The following ITFG1 variants were observed in gnomAD, a reference collection of about 807,000 sequenced individuals.
ITFG1 encodes the protein integrin alpha FG-GAP repeat containing 1, also known as T-cell immunomodulatory protein.
In ITFG1, 34 loss-of-function variants were observed where a neutral mutation model predicts 81.8. The observed-to-expected ratio is 0.42, with a 90% confidence interval of 0.32 to 0.55. The LOEUF is 0.55. Among genes scored for constraint, ITFG1 ranks in the 20% least tolerant of loss-of-function variants. The pLI is 0.17. For missense variants in ITFG1, 672 were observed against 755.4 expected, an observed-to-expected ratio of 0.89 and a Z score of 1.29; for synonymous variants, 285 against 270.6, an observed-to-expected ratio of 1.05 and a Z score of -0.52.
intron 5 of ITFG1, among the ~76,000 whole-genome samples, chr16:47,434,620 T>A (rs796244398): frequency 7.2e-5 from 11 of 152,242 alleles, no homozygotes; most frequent in African/African-American, 2.6e-4. Flanking sequence ...GTTAGTTCAA[T>A]CATTGTAGAA....
chr16:47,307,696 G>T (rs190741341), intron 10 of ITFG1, among the ~76,000 whole-genome samples: 2 of 152,218 alleles, frequency 1.3e-5, no homozygotes, highest in African/African-American at 2.4e-5. Flanking sequence ...TATTACATGG[G>T]TATACTGCAT....
intron 14 of ITFG1, among the ~76,000 whole-genome samples, chr16:47,216,698 T>C (rs1965629078): frequency 6.6e-6 from 1 of 152,092 alleles, no homozygotes; most frequent in Non-Finnish European, 1.5e-5. Flanking sequence ...GTCTTACTCC[T>C]TCACCAAGGT....
chr16:47,346,806 C>T (rs1967861776), intron 8 of ITFG1, among the ~76,000 whole-genome samples: 1 of 152,188 alleles, frequency 6.6e-6, no homozygotes, highest in Non-Finnish European at 1.5e-5. Context: ...GACTTGATGG[C>T]TTCACTGCTG....
At chr16:47,304,623 A>G (rs547888587) in intron 10 of ITFG1, among the ~76,000 whole-genome samples, 14 of 152,312 alleles carry the variant, frequency 9.2e-5, no homozygotes, top group African/African-American at 3.4e-4. Context: ...TTATTAATAT[A>G]TGTGACTGAA....
At chr16:47,389,033 C>T (rs1968497524) in intron 6 of ITFG1, among the ~76,000 whole-genome samples, 1 of 152,164 alleles carries the variant, frequency 6.6e-6, no homozygotes, top group Admixed American at 6.5e-5. Flanking sequence ...TGTTAGCTCC[C>T]ACCTTAAGAT....
chr16:47,165,861 A>G (rs1038358712), intron 14 of ITFG1, among the ~76,000 whole-genome samples: 1 of 152,118 alleles, frequency 6.6e-6, no homozygotes, highest in Non-Finnish European at 1.5e-5. Context: ...CAAACAAACA[A>G]ACAAACCCAA....
chr16:47,318,954 C>G (rs1056087336), intron 8 of ITFG1, among the ~76,000 whole-genome samples: 2 of 152,112 alleles, frequency 1.3e-5, no homozygotes, highest in African/African-American at 4.8e-5. Flanking sequence ...TCAAACTCAA[C>G]AAGTAATTTT....
intron 6 of ITFG1, among the ~76,000 whole-genome samples, chr16:47,389,883 G>C (rs1344528451): frequency 6.6e-6 from 1 of 152,162 alleles, no homozygotes; most frequent in Non-Finnish European, 1.5e-5. Flanking sequence ...GAGGACCAAA[G>C]GACTGAGGCA....
At chr16:47,163,770 AAC>A (rs1490131211) in intron 14 of ITFG1, among the ~76,000 whole-genome samples, 2 of 152,184 alleles carry the variant, frequency 1.3e-5, no homozygotes, top group African/African-American at 2.4e-5. Flanking sequence ...CATCCTCAAT[AAC>A]ACTTTTTGTT....
At chr16:47,433,791 A>ATATATATATATG (rs1172594013) in intron 5 of ITFG1, among the ~76,000 whole-genome samples, 2 of 143,958 alleles carry the variant, frequency 1.4e-5, no homozygotes, top group African/African-American at 5.1e-5. Flanking sequence ...ATATATATAT[A>ATATATATATATG]TACACACACA....
intron 12 of ITFG1, among the ~76,000 whole-genome samples, chr16:47,248,803 T>G (rs1260234925): frequency 6.6e-6 from 1 of 152,160 alleles, no homozygotes; most frequent in African/African-American, 2.4e-5. Flanking sequence ...TTTTTTTAAG[T>G]AAGTATAATA....
At position 47,361,248 on chromosome 16, in the gene ITFG1, TTA is replaced by T. The variant is rs1036486026; in HGVS notation, c.802+4538_802+4539del. Among the ~76,000 whole-genome samples the T allele has an allele frequency of 8.4e-4, 128 of 152,232 alleles. 1 individual carries two copies. The highest frequency in any genetic ancestry group is 2.9e-3 in the African/African-American group (121 of 41,544). The stretch of plus-strand genomic sequence containing the variant: ...AGATCTGTATAATTTATAAATAAAT[TTA>T]TATGACATTTACAATAATTCAATCT... On this transcript the variant is annotated intron_variant, in intron 8 of 17. Transcript: ENST00000320640.
intron 13 of ITFG1, among the ~76,000 whole-genome samples, chr16:47,223,388 A>G (rs1244116081): frequency 1.3e-5 from 2 of 152,236 alleles, no homozygotes; most frequent in East Asian, 3.8e-4. Flanking sequence ...CAAATTTACA[A>G]GAAAAAAACA....
rs558965828 is a variant in ITFG1 at position 47,199,568 on chromosome 16, G to A, written c.1453+19300C>T. The stretch of plus-strand genomic sequence containing the variant: ...ACAGGATTTAGTACAGTAACATGCT[G>A]TACAGGTTTGTAGCCTAGGCGTAAT... On this transcript the variant is annotated intron_variant, in intron 14 of 17. Transcript: ENST00000320640. Among the ~76,000 whole-genome samples, 287 of 152,266 alleles carry A rather than the reference G, an allele frequency of 1.9e-3. 1 individual carries two copies. Among genetic ancestry groups the A allele is most frequent in the African/African-American group, 6.8e-3 (284 of 41,540 alleles).
At chr16:47,350,605 A>C (rs1422748453) in intron 8 of ITFG1, among the ~76,000 whole-genome samples, 1 of 152,174 alleles carries the variant, frequency 6.6e-6, no homozygotes, top group African/African-American at 2.4e-5. Flanking sequence ...CCAGGACCAG[A>C]TGGATTCACA....
chr16:47,203,615 C>T (rs1399461811), intron 14 of ITFG1, among the ~76,000 whole-genome samples: 1 of 152,158 alleles, frequency 6.6e-6, no homozygotes, highest in East Asian at 1.9e-4. Context: ...CAATAGGGTT[C>T]ATGGTCCTGT....
intron 10 of ITFG1, among the ~76,000 whole-genome samples, chr16:47,263,866 A>C (rs1387533929): frequency 6.6e-6 from 1 of 152,206 alleles, no homozygotes; most frequent in African/African-American, 2.4e-5. Flanking sequence ...GTATTGTGAA[A>C]CATGAGGTTC....
chr16:47,438,253 G>A (rs920801882), intron 5 of ITFG1, among the ~76,000 whole-genome samples: 4 of 152,210 alleles, frequency 2.6e-5, no homozygotes, highest in Non-Finnish European at 4.4e-5. Context: ...AGGCTCCACC[G>A]CTGGGGGCAG....
At chr16:47,428,735 G>A in intron 6 of ITFG1, 69 bp downstream of exon 6, 3 of 907,190 alleles carry the variant, frequency 3.3e-6, no homozygotes, top group South Asian at 1.4e-5. Flanking sequence ...TAAATACAAA[G>A]TGTACAGTAA....
Sources: allele counts gnomAD v4.1 joint callset (sites outside exome capture counted in the v4.1 genomes callset), GRCh38; gene constraint gnomAD v4.1.1; transcripts MANE v1.5; gene names NCBI Gene and HGNC (gene_info 2026-07-23, HGNC 2026-07-21).